Variants in ASTN2 observed in about 807,000 individuals in gnomAD.
The protein encoded by ASTN2 is astrotactin-2.
ASTN2 carries 54 observed loss-of-function variants against 139.8 expected under a neutral mutation model. The observed-to-expected ratio is 0.39, with a 90% CI of 0.31 to 0.48. The LOEUF is 0.48. Among genes scored for constraint, ASTN2 ranks in the 20% least tolerant of loss-of-function variants. The pLI is 0.95. For synonymous variants in ASTN2, 756 were observed against 719.5 expected, an observed-to-expected ratio of 1.05 and a Z score of -0.81; for missense variants, 1,565 against 1,725.1, an observed-to-expected ratio of 0.91 and a Z score of 1.64.
intron 10 of ASTN2, among the ~76,000 whole-genome samples, chr9:116,872,396 C>T (rs762219448): frequency 6.6e-6 from 1 of 152,150 alleles, no homozygotes; most frequent in Non-Finnish European, 1.5e-5. Flanking sequence ...CTCAAAGTTG[C>T]AAGAACCATG....
chr9:116,435,435 C>T (rs1490667682), intron 22 of ASTN2, among the ~76,000 whole-genome samples: 3 of 152,188 alleles, frequency 2.0e-5, no homozygotes, highest in Admixed American at 6.5e-5. Flanking sequence ...AACTTGTGAA[C>T]AGAACTCACA....
chr9:117,414,641 C>A lies in ASTN2; in HGVS notation c.298G>T (p.Ala100Ser). ...AGAGTGAGAA[A>S]AAASPGSPGS... ...GGAGAGCCCGGGGACGCGGCGGCGG[C>A]GGCGGCTCCGGCCCCGGTCCCAGCC... Residue 100 changes from alanine to serine, a missense_variant, in exon 1 of 23, where the codon GCC becomes TCC. By Grantham distance (99) the Ala-to-Ser change is moderately conservative. Coordinates refer to ENST00000313400, the MANE Select transcript of ASTN2 (RefSeq NM_001365068.1). This position sits in a 1 kb window ranked among gnomAD's most constrained non-coding sequence, Gnocchi z 4.2. 1 of 1,381,724 alleles carries A rather than the reference C, an allele frequency of 7.2e-7. No homozygotes were observed. The allele number at this position is 1,381,724 out of a possible 1,614,324, so 85.6% of individuals were successfully genotyped here. A position where few individuals can be genotyped will look rare whatever the true frequency, so the allele number is the denominator to read the frequency against.
chr9:116,429,069 T>C (rs1814219043), intron 22 of ASTN2, among the ~76,000 whole-genome samples: 1 of 152,076 alleles, frequency 6.6e-6, no homozygotes, highest in Admixed American at 6.5e-5. Flanking sequence ...CCAGGAGCAG[T>C]GGCTCACACC....
At chr9:116,753,880 G>A (rs899979217) in intron 13 of ASTN2, among the ~76,000 whole-genome samples, 4 of 151,768 alleles carry the variant, frequency 2.6e-5, no homozygotes, top group Non-Finnish European at 5.9e-5. Flanking sequence ...ATAGGGGTTT[G>A]CTGCACCCAT....
At chr9:116,823,662 A>T (rs1446643787) in intron 11 of ASTN2, among the ~76,000 whole-genome samples, 1 of 152,178 alleles carries the variant, frequency 6.6e-6, no homozygotes, top group East Asian at 1.9e-4. Flanking sequence ...CATTTTGCAA[A>T]CTTACATATC....
intron 5 of ASTN2, among the ~76,000 whole-genome samples, chr9:117,044,805 A>G (rs1838684216): frequency 6.6e-6 from 1 of 152,222 alleles, no homozygotes; most frequent in African/African-American, 2.4e-5. Flanking sequence ...GGGGAAAATA[A>G]TACTAAACAA....
At chr9:116,633,641 TAAAG>T (rs1312152537) in intron 17 of ASTN2, among the ~76,000 whole-genome samples, 3 of 152,318 alleles carry the variant, frequency 2.0e-5, no homozygotes, top group East Asian at 3.9e-4. Context: ...AGTTCCTAAA[TAAAG>T]AATTACACAA....
rs560116724 is a variant in ASTN2, at chr9:117,076,162, T to C, written c.1276+19882A>G. On this transcript the variant is annotated intron_variant, in intron 5 of 22. Coordinates refer to ENST00000313400, the MANE Select transcript of ASTN2 (RefSeq NM_001365068.1). ...TGATTGGGGGTAGTAGTGAATTCCA[T>C]GCTGGCATAAAGGAAGGGCACCTGC... Among the ~76,000 whole-genome samples the C allele has an allele frequency of 3.7e-4, 57 of 152,304 alleles. 1 individual carries two copies. In the South Asian group the frequency reaches 0.01, roughly 28 times the overall value.
chr9:117,284,761 T>C (rs1834407262), intron 2 of ASTN2, among the ~76,000 whole-genome samples: 6 of 152,214 alleles, frequency 3.9e-5, no homozygotes, highest in Non-Finnish European at 1.5e-5. Flanking sequence ...GTGCTTTATA[T>C]CTATCATCTC....
chr9:116,439,194 A>ATTTTTTTTTTTTTT lies in ASTN2; in HGVS notation c.3782+1401_3782+1414dup, dbSNP rs1016270368. Among the ~76,000 whole-genome samples, 431 of 56,690 alleles carry ATTTTTTTTTTTTTT rather than the reference A, an allele frequency of 7.6e-3. 41 individuals are homozygous for ATTTTTTTTTTTTTT. Among genetic ancestry groups the ATTTTTTTTTTTTTT allele is most frequent in the African/African-American group, 9.2e-3 (119 of 12,896 alleles). The allele number at this position is 56,690 out of a possible 152,430, so 37.2% of individuals were successfully genotyped here. On this transcript the variant is annotated intron_variant, in intron 22 of 22. Coordinates refer to ENST00000313400, the MANE Select transcript of ASTN2 (RefSeq NM_001365068.1). ...GATGTTGTGTTTTCTATTCAAATAC[A>ATTTTTTTTTTTTTT]TTTTTTTTTTTTTTTTTTTTTTTTG...
chr9:117,202,120 T>G (rs1831744493), intron 3 of ASTN2, among the ~76,000 whole-genome samples: 1 of 152,200 alleles, frequency 6.6e-6, no homozygotes, highest in South Asian at 2.1e-4. Context: ...TTTTGATCTT[T>G]GTTGGTTTAA....
intron 19 of ASTN2, among the ~76,000 whole-genome samples, chr9:116,555,121 T>G (rs1587992692): frequency 6.6e-6 from 1 of 152,290 alleles, no homozygotes. Flanking sequence ...ACTATTATCT[T>G]TAATTGGTGC....
At chr9:116,587,777 G>A (rs1017897016) in intron 19 of ASTN2, among the ~76,000 whole-genome samples, 1 of 152,166 alleles carries the variant, frequency 6.6e-6, no homozygotes, top group Non-Finnish European at 1.5e-5. Flanking sequence ...TTATAGGACT[G>A]TTGTAGGCAA....
rs538002571 is a variant in ASTN2 at position 117,173,689 on chromosome 9, CTT to C, written c.1016-32213_1016-32212del. ...ACAACATGCACGCTACATAGCAAAACTTGAGGTCTAGAGATAAAGAAACACTT... is the reference window on the plus strand; with the variant it reads ...ACAACATGCACGCTACATAGCAAAACGAGGTCTAGAGATAAAGAAACACTT... On this transcript the variant is annotated intron_variant, in intron 3 of 22. Coordinates refer to ENST00000313400, the MANE Select transcript of ASTN2 (RefSeq NM_001365068.1). Among the ~76,000 whole-genome samples the C allele has an allele frequency of 6.4e-4, 97 of 151,928 alleles. 1 individual carries two copies. The South Asian group carries it at 0.019, about 30-fold the overall frequency.
chr9:116,513,734 C>T (rs1850512912), intron 19 of ASTN2, among the ~76,000 whole-genome samples: 1 of 152,130 alleles, frequency 6.6e-6, no homozygotes, highest in African/African-American at 2.4e-5. Flanking sequence ...TCTCTTCTTG[C>T]TTCATTTCAT....
At chr9:117,072,789 C>T (rs1458515248) in intron 5 of ASTN2, among the ~76,000 whole-genome samples, 1 of 152,154 alleles carries the variant, frequency 6.6e-6, no homozygotes, top group Non-Finnish European at 1.5e-5. Flanking sequence ...GCTCCTCTAA[C>T]AAGTGTCAGC....
At chr9:116,733,947 T>A (rs1828854568) in intron 13 of ASTN2, among the ~76,000 whole-genome samples, 1 of 152,112 alleles carries the variant, frequency 6.6e-6, no homozygotes, top group Non-Finnish European at 1.5e-5. Context: ...TGAACCAGGA[T>A]GTGAGAACTG....
At chr9:116,844,503 C>T (rs952200502) in intron 11 of ASTN2, among the ~76,000 whole-genome samples, 3 of 152,058 alleles carry the variant, frequency 2.0e-5, no homozygotes, top group African/African-American at 7.2e-5. Context: ...CACTTACTAA[C>T]CATGTAATGT....
At chr9:117,120,697 G>A (rs1459560637) in intron 4 of ASTN2, among the ~76,000 whole-genome samples, 1 of 152,092 alleles carries the variant, frequency 6.6e-6, no homozygotes, top group Non-Finnish European at 1.5e-5. Flanking sequence ...TTGTTTCTTT[G>A]GACTCTGTGT....
Sources: gnomAD v4.1 joint callset for allele counts (sites outside exome capture counted in the v4.1 genomes callset) on GRCh38, gnomAD v4.1.1 for gene constraint, Gnocchi (gnomAD v3.1) non-coding constraint, MANE v1.5 for transcripts, NCBI Gene and HGNC (gene_info 2026-07-23, HGNC 2026-07-21) for gene names.